The following SPRR2G variants were observed in gnomAD, a reference collection of about 807,000 sequenced individuals.
The protein encoded by SPRR2G is small proline rich protein 2G, also known as small proline-rich protein 2G.
Under a neutral mutation model 0.7 loss-of-function variants are expected in SPRR2G, and 1 was observed. The ratio of observed to expected loss-of-function variants is 1.49; its 90% CI spans 0.53 to 7.06. The LOEUF is 7.06. Ranked by LOEUF, SPRR2G falls within the 30% of genes most tolerant of loss-of-function variation. SPRR2G has a pLI of 0.14. For missense variants in SPRR2G, 96 were observed against 88.5 expected, an observed-to-expected ratio of 1.09 and a Z score of -0.34; for synonymous variants, 38 against 33.9, an observed-to-expected ratio of 1.12 and a Z score of -0.42.
the SPRR2G span, among the ~76,000 whole-genome samples, chr1:153,171,668 T>A: frequency 6.6e-6 from 1 of 152,170 alleles, no homozygotes; most frequent in South Asian, 2.1e-4. Context: ...TGTGTATTCA[T>A]CTCTGGTGAA....
At chr1:153,172,958 CA>C in the SPRR2G span, among the ~76,000 whole-genome samples, 1 of 152,036 alleles carries the variant, frequency 6.6e-6, no homozygotes, top group Non-Finnish European at 1.5e-5. Flanking sequence ...GACAGGCGGA[CA>C]AACATAATAT....
At chr1:153,188,155 G>T in the SPRR2G span, among the ~76,000 whole-genome samples, 7,699 of 152,276 alleles carry the variant, frequency 0.051, 269 homozygotes, top group East Asian at 0.13. Context: ...CTCCTGGGAG[G>T]TGTCTCCCAG....
At chr1:153,188,831 G>C in the SPRR2G span, among the ~76,000 whole-genome samples, 1 of 152,180 alleles carries the variant, frequency 6.6e-6, no homozygotes, top group African/African-American at 2.4e-5. Flanking sequence ...ACCCTGGTCT[G>C]TGGGTTGCCA....
At chr1:153,178,713 G>C in the SPRR2G span, among the ~76,000 whole-genome samples, 67 of 152,192 alleles carry the variant, frequency 4.4e-4, no homozygotes, top group African/African-American at 1.5e-3. Flanking sequence ...CTATGCTCCT[G>C]AGGAATAACG....
the SPRR2G span, among the ~76,000 whole-genome samples, chr1:153,181,378 C>A: frequency 6.6e-6 from 1 of 152,128 alleles, no homozygotes; most frequent in Non-Finnish European, 1.5e-5. Context: ...ATATCCATCA[C>A]CGTGAGCATT....
At chr1:153,170,456 A>G in the SPRR2G span, among the ~76,000 whole-genome samples, 2 of 152,216 alleles carry the variant, frequency 1.3e-5, no homozygotes, top group African/African-American at 4.8e-5. Flanking sequence ...GCCAACTTCA[A>G]GGACACAAAA....
At chr1:153,156,489 G>C in the SPRR2G span, among the ~76,000 whole-genome samples, 2 of 152,172 alleles carry the variant, frequency 1.3e-5, no homozygotes, top group African/African-American at 4.8e-5. Context: ...ACATTGCAGA[G>C]TTTCTTTAGT....
the SPRR2G span, among the ~76,000 whole-genome samples, chr1:153,175,317 G>T: frequency 6.6e-6 from 1 of 152,114 alleles, no homozygotes; most frequent in Non-Finnish European, 1.5e-5. Flanking sequence ...TTCCTTCAAT[G>T]GCTTCCTGTT....
the SPRR2G span, among the ~76,000 whole-genome samples, chr1:153,172,798 C>G: frequency 1.3e-5 from 2 of 152,192 alleles, no homozygotes; most frequent in African/African-American, 4.8e-5. Flanking sequence ...GAGACAGCTA[C>G]TGGGATTATC....
chr1:153,163,910 T>C, the SPRR2G span, among the ~76,000 whole-genome samples: 1 of 152,266 alleles, frequency 6.6e-6, no homozygotes, highest in South Asian at 2.1e-4. Context: ...TATATCAACA[T>C]CACCTATTCT....
the SPRR2G span, among the ~76,000 whole-genome samples, chr1:153,185,908 A>T: frequency 1.3e-5 from 2 of 152,086 alleles, no homozygotes; most frequent in Non-Finnish European, 2.9e-5. Flanking sequence ...ATTCTGGTAC[A>T]TTGTGCCTTT....
At chr1:153,173,002 T>G in the SPRR2G span, among the ~76,000 whole-genome samples, 2 of 152,206 alleles carry the variant, frequency 1.3e-5, no homozygotes, top group Non-Finnish European at 2.9e-5. Context: ...CTCTTACAAG[T>G]CTTCAATATT....
the SPRR2G span, among the ~76,000 whole-genome samples, chr1:153,181,690 TA>T: frequency 3.3e-5 from 5 of 151,472 alleles, no homozygotes; most frequent in African/African-American, 9.8e-5. Context: ...GTGTCTGGCA[TA>T]TTCTATTTAA....
At chr1:153,167,934 A>C in the SPRR2G span, among the ~76,000 whole-genome samples, 1 of 152,214 alleles carries the variant, frequency 6.6e-6, no homozygotes, top group African/African-American at 2.4e-5. Context: ...ACATTAGCCT[A>C]ATATTTGCTA....
chr1:153,160,383 T>A, the SPRR2G span, among the ~76,000 whole-genome samples: 2 of 152,354 alleles, frequency 1.3e-5, no homozygotes, highest in East Asian at 3.9e-4. Flanking sequence ...AATGCAGCTA[T>A]CTCTTAGAGA....
At chr1:153,166,048 C>T in the SPRR2G span, among the ~76,000 whole-genome samples, 1 of 152,196 alleles carries the variant, frequency 6.6e-6, no homozygotes, top group African/African-American at 2.4e-5. Context: ...GCAGCTAATG[C>T]TCTTACTCAC....
At chr1:153,182,226 G>T in the SPRR2G span, among the ~76,000 whole-genome samples, 2 of 152,102 alleles carry the variant, frequency 1.3e-5, no homozygotes, top group Non-Finnish European at 2.9e-5. Context: ...TTTTAGAAAT[G>T]TCTGTTTAGA....
chr1:153,170,141 T>C, the SPRR2G span, among the ~76,000 whole-genome samples: 4 of 152,220 alleles, frequency 2.6e-5, no homozygotes, highest in Non-Finnish European at 5.9e-5. Flanking sequence ...TAAATTTTCT[T>C]CGAGTATGTA....
chr1:153,191,240 A>C, the SPRR2G span: 2 of 152,418 alleles, frequency 1.3e-5, no homozygotes, highest in African/African-American at 4.8e-5. Flanking sequence ...CATCAGTGTC[A>C]GGGCTGCAGG....
Sources: allele counts gnomAD v4.1 joint callset (sites outside exome capture counted in the v4.1 genomes callset), GRCh38; gene constraint gnomAD v4.1.1; transcripts MANE v1.5; gene names NCBI Gene and HGNC (gene_info 2026-07-23, HGNC 2026-07-21).